Variants in CNIH1 observed in about 807,000 individuals in gnomAD.
CNIH1 encodes the protein protein cornichon homolog 1.
CNIH1 carries 12 observed loss-of-function variants against 20.2 expected under a neutral mutation model. The observed-to-expected ratio is 0.59, with a 90% CI of 0.38 to 0.96. The LOEUF (loss-of-function observed/expected upper bound fraction) is 0.96. Among genes scored for constraint, CNIH1 ranks in the 40% least tolerant of loss-of-function variants. CNIH1 has a pLI of 0.00. For missense variants in CNIH1, 152 were observed against 178.8 expected, an observed-to-expected ratio of 0.85 and a Z score of 0.85; for synonymous variants, 69 against 63.3, an observed-to-expected ratio of 1.09 and a Z score of -0.43.
rs1275797385 is a variant in CNIH1, at chr14:54,424,250, T to C, written c.*3564A>G. On this transcript the variant is annotated 3_prime_UTR_variant, in exon 5 of 5. Transcript: ENST00000216416. ...TAATAGTTTCCAAAAAGGATGAACATGAGTACTTTTATGAGCAATGCTAGA... is the reference window on the plus strand; with the variant it reads ...TAATAGTTTCCAAAAAGGATGAACACGAGTACTTTTATGAGCAATGCTAGA... 6.6e-6 allele frequency: 1 copy of C among 152,246 alleles called. No homozygotes were observed. The highest frequency in any genetic ancestry group is 6.5e-5 in the Admixed American group (1 of 15,280). 9.4% of individuals were successfully genotyped at this position (152,246 alleles called of 1,614,324 possible). A position where few individuals can be genotyped will look rare whatever the true frequency, so the allele number is the denominator to read the frequency against.
chr14:54,429,925 A>G (rs755839218), intron 4 of CNIH1, among the ~76,000 whole-genome samples: 3 of 152,236 alleles, frequency 2.0e-5, no homozygotes, highest in African/African-American at 4.8e-5. Flanking sequence ...CCTGAAGACA[A>G]GCAGAAATTT....
At position 54,427,653 on chromosome 14, in the gene CNIH1, C is replaced by G; in HGVS notation, c.*161G>C. On this transcript the variant is annotated 3_prime_UTR_variant, in exon 5 of 5. Transcript: ENST00000216416. ...ATAACATATGAAAACAGTCTTTCCA[C>G]AAGCAAAAATGTGGAAACATTTAAA... 3 of 695,894 alleles carry G rather than the reference C, an allele frequency of 4.3e-6. No individual in the cohort carries two copies. Among genetic ancestry groups the G allele is most frequent in the Non-Finnish European group, 7.3e-6 (3 of 410,452 alleles). 43.1% of individuals were successfully genotyped at this position (695,894 alleles called of 1,614,324 possible). A position where few individuals can be genotyped will look rare whatever the true frequency, so the allele number is the denominator to read the frequency against.
At chr14:54,440,200 T>C (rs2031141399) in intron 1 of CNIH1, among the ~76,000 whole-genome samples, 1 of 152,240 alleles carries the variant, frequency 6.6e-6, no homozygotes, top group Non-Finnish European at 1.5e-5. Flanking sequence ...AAATCCTTGT[T>C]ACTGGCATGA....
chr14:54,431,442 GA>G (rs1411236363), intron 3 of CNIH1, among the ~76,000 whole-genome samples: 1 of 151,910 alleles, frequency 6.6e-6, no homozygotes, highest in Non-Finnish European at 1.5e-5. Flanking sequence ...ATTTTTTTCT[GA>G]ATCATTTCAA....
intron 4 of CNIH1, among the ~76,000 whole-genome samples, chr14:54,428,999 T>C (rs981234979): frequency 2.6e-5 from 4 of 152,234 alleles, no homozygotes; most frequent in African/African-American, 7.2e-5. Flanking sequence ...ATGCTGTTTT[T>C]TAAAGCTTAC....
At chr14:54,433,373 G>A (rs2030987044) in intron 2 of CNIH1, among the ~76,000 whole-genome samples, 1 of 151,860 alleles carries the variant, frequency 6.6e-6, no homozygotes, top group East Asian at 1.9e-4. Context: ...GCTGTAGAGG[G>A]GACTTTCTAA....
intron 1 of CNIH1, among the ~76,000 whole-genome samples, chr14:54,439,196 CTATT>C (rs1449164068): frequency 2.6e-4 from 40 of 152,264 alleles, no homozygotes; most frequent in South Asian, 2.5e-3. Context: ...TTAAAACTAT[CTATT>C]TATTTAGAAT....
At position 54,441,361 on chromosome 14, in the gene CNIH1, G is replaced by T. The variant is rs1263676621; in HGVS notation, c.-34C>A. The stretch of plus-strand genomic sequence containing the variant: ...AGGAGGAGCGGGGAGCGGCGCCGTT[G>T]CCAGCGGAGAAAGGCGGCGCAGGGC... On this transcript the variant is annotated 5_prime_UTR_variant, in exon 1 of 5. Transcript: ENST00000216416. The T allele has an allele frequency of 6.8e-7, 1 of 1,477,914 alleles. No homozygotes were observed. Among genetic ancestry groups the T allele is most frequent in the African/African-American group, 1.5e-5 (1 of 68,898 alleles). The allele number at this position is 1,477,914 out of a possible 1,614,324, so 91.6% of individuals were successfully genotyped here. A position where few individuals can be genotyped will look rare whatever the true frequency, so the allele number is the denominator to read the frequency against.
intron 2 of CNIH1, among the ~76,000 whole-genome samples, chr14:54,434,307 A>G (rs2031009374): frequency 6.6e-6 from 1 of 152,220 alleles, no homozygotes; most frequent in Admixed American, 6.5e-5. Context: ...AGGATGTCCC[A>G]AGCACATGTC....
chr14:54,430,110 C>A, intron 4 of CNIH1, 151 bp downstream of exon 4: 2 of 761,666 alleles, frequency 2.6e-6, no homozygotes, highest in Non-Finnish European at 2.1e-6. Flanking sequence ...GTGGGCCACA[C>A]TGAATGTGTG....
chr14:54,434,035 A>T (rs1340079575), intron 2 of CNIH1, among the ~76,000 whole-genome samples: 1 of 152,210 alleles, frequency 6.6e-6, no homozygotes, highest in Non-Finnish European at 1.5e-5. Context: ...GTTCAAACAG[A>T]AACTAGTATC....
At chr14:54,435,452 A>G (rs1022677869) in intron 2 of CNIH1, among the ~76,000 whole-genome samples, 7 of 152,206 alleles carry the variant, frequency 4.6e-5, no homozygotes, top group African/African-American at 1.4e-4. Context: ...TTATCACTAA[A>G]TTCATGATGG....
At chr14:54,439,894 GTC>G (rs1304816192) in intron 1 of CNIH1, among the ~76,000 whole-genome samples, 1 of 152,174 alleles carries the variant, frequency 6.6e-6, no homozygotes, top group Non-Finnish European at 1.5e-5. Flanking sequence ...GGTTGAGCTA[GTC>G]TGTATCCCAA....
At position 54,427,505 on chromosome 14, in the gene CNIH1, T is replaced by C. The variant is rs184763336; in HGVS notation, c.*309A>G. 4 of 335,174 alleles carry C rather than the reference T, an allele frequency of 1.2e-5. No homozygotes were observed. The highest frequency in any genetic ancestry group is 8.9e-5 in the Admixed American group (2 of 22,476). 20.8% of individuals were successfully genotyped at this position (335,174 alleles called of 1,614,324 possible). ...TCCAATGTACTAGGACAGTCAGTAATTAATGCATCATTCAGAGGATTATGG... is the reference window on the plus strand; with the variant it reads ...TCCAATGTACTAGGACAGTCAGTAACTAATGCATCATTCAGAGGATTATGG... On this transcript the variant is annotated 3_prime_UTR_variant, in exon 5 of 5. Coordinates refer to ENST00000216416, the MANE Select transcript of CNIH1 (RefSeq NM_005776.3).
Position 54,427,049 on chromosome 14 carries a change from C to T in CNIH1, c.*765G>A, listed in dbSNP as rs767832583. The T allele has an allele frequency of 1.1e-4, 16 of 152,054 alleles. No individual in the cohort carries two copies. The highest frequency in any genetic ancestry group is 3.9e-4 in the Admixed American group (6 of 15,264). The allele number at this position is 152,054 out of a possible 1,614,324, so 9.4% of individuals were successfully genotyped here. A position where few individuals can be genotyped will look rare whatever the true frequency, so the allele number is the denominator to read the frequency against. On this transcript the variant is annotated 3_prime_UTR_variant, in exon 5 of 5. Coordinates refer to ENST00000216416, the MANE Select transcript of CNIH1 (RefSeq NM_005776.3). The stretch of plus-strand genomic sequence containing the variant: ...TGCAAATTCTTAAGAATACCTTTAC[C>T]ACCAGATTAGAACAGTAAGCATAAT...
At position 54,441,353 on chromosome 14, in the gene CNIH1, G is replaced by C; in HGVS notation, c.-26C>G. ...GGCTGGGGAGGAGGAGCGGGGAGCG[G>C]CGCCGTTGCCAGCGGAGAAAGGCGG... On this transcript the variant is annotated 5_prime_UTR_variant, in exon 1 of 5. Coordinates refer to ENST00000216416, the MANE Select transcript of CNIH1 (RefSeq NM_005776.3). 6.7e-7 allele frequency: 1 copy of C among 1,482,272 alleles called. No homozygotes were observed. Among genetic ancestry groups the C allele is most frequent in the Non-Finnish European group, 9.0e-7 (1 of 1,106,372 alleles). The allele number at this position is 1,482,272 out of a possible 1,614,324, so 91.8% of individuals were successfully genotyped here. A position where few individuals can be genotyped will look rare whatever the true frequency, so the allele number is the denominator to read the frequency against.
intron 1 of CNIH1, among the ~76,000 whole-genome samples, chr14:54,440,699 G>A (rs550802034): frequency 1.3e-5 from 2 of 152,250 alleles, no homozygotes; most frequent in Non-Finnish European, 2.9e-5. Context: ...AGTTCACCAG[G>A]AAACAACAAT....
In CNIH1 at chr14:54,424,557, G is replaced by T. The variant is rs572808115; in HGVS notation, c.*3257C>A. On this transcript the variant is annotated 3_prime_UTR_variant, in exon 5 of 5. Coordinates refer to ENST00000216416, the MANE Select transcript of CNIH1 (RefSeq NM_005776.3). ...TATTTGCACTATGGCAATATTCCAC[G>T]AACTCTATTCATAAACATAGAAGGA... The T allele has an allele frequency of 6.6e-6, 1 of 152,158 alleles. No individual in the cohort carries two copies. Among genetic ancestry groups the T allele is most frequent in the South Asian group, 2.1e-4 (1 of 4,832 alleles). 9.4% of individuals were successfully genotyped at this position (152,158 alleles called of 1,614,324 possible). A position where few individuals can be genotyped will look rare whatever the true frequency, so the allele number is the denominator to read the frequency against.
chr14:54,426,266 C>G lies in CNIH1; in HGVS notation c.*1548G>C, dbSNP rs1055230346. On this transcript the variant is annotated 3_prime_UTR_variant, in exon 5 of 5. Coordinates refer to ENST00000216416, the MANE Select transcript of CNIH1 (RefSeq NM_005776.3). ...TAAATCTCTTCCTCAACATACTCAC[C>G]CCCATTACCCAGAATAGTTAACAGC... 1.3e-5 allele frequency: 2 copies of G among 152,116 alleles called. No homozygotes were observed. The highest frequency in any genetic ancestry group is 4.8e-5 in the African/African-American group (2 of 41,434). 9.4% of individuals were successfully genotyped at this position (152,116 alleles called of 1,614,324 possible). A position where few individuals can be genotyped will look rare whatever the true frequency, so the allele number is the denominator to read the frequency against.
Sources: gnomAD v4.1 joint callset for allele counts (sites outside exome capture counted in the v4.1 genomes callset) on GRCh38, gnomAD v4.1.1 for gene constraint, MANE v1.5 for transcripts, NCBI Gene and HGNC (gene_info 2026-07-23, HGNC 2026-07-21) for gene names.